Variants in COL26A1 observed in about 807,000 individuals in gnomAD.
COL26A1 encodes the protein collagen type XXVI alpha 1 chain, also known as collagen alpha-1(XXVI) chain.
In COL26A1, 41 loss-of-function variants were observed where a neutral mutation model predicts 59.3. The ratio of observed to expected loss-of-function variants is 0.69; its 90% confidence interval spans 0.54 to 0.90. The LOEUF is 0.90. Ranked by LOEUF, COL26A1 falls within the 40% of genes least tolerant of loss-of-function variation. The pLI is 0.00. For missense variants in COL26A1, 612 were observed against 602.3 expected (o/e 1.02, Z -0.17); for synonymous variants, 266 against 256.0 (o/e 1.04, Z -0.37).
At chr7:101,527,100 A>G (rs538878134) in intron 3 of COL26A1, among the ~76,000 whole-genome samples, 64 of 151,850 alleles carry the variant, frequency 4.2e-4, no homozygotes, top group Non-Finnish European at 6.8e-4. Flanking sequence ...CCTCCTGAGT[A>G]GCTAGGATTA....
At chr7:101,472,366 A>G (rs535529729) in intron 3 of COL26A1, among the ~76,000 whole-genome samples, 32 of 152,286 alleles carry the variant, frequency 2.1e-4, no homozygotes, top group Admixed American at 7.2e-4. Context: ...GCATCAGGAC[A>G]TCTCTTTAAG....
At chr7:101,501,167 C>G (rs1794696016) in intron 3 of COL26A1, among the ~76,000 whole-genome samples, 1 of 117,288 alleles carries the variant, frequency 8.5e-6, no homozygotes, top group Non-Finnish European at 1.6e-5. Flanking sequence ...GCCTGGGCTA[C>G]AGGGCGAGAC....
intron 1 of COL26A1, among the ~76,000 whole-genome samples, chr7:101,400,892 G>T (rs184316391): frequency 6.6e-6 from 1 of 152,134 alleles, no homozygotes; most frequent in Non-Finnish European, 1.5e-5. Flanking sequence ...TGTTCATTCA[G>T]TAAATACCAC....
At chr7:101,495,832 A>G (rs1395549543) in intron 3 of COL26A1, among the ~76,000 whole-genome samples, 1 of 144,734 alleles carries the variant, frequency 6.9e-6, no homozygotes, top group Non-Finnish European at 1.5e-5. Context: ...AGTGGCTCAC[A>G]CCTGTAAGCC....
At chr7:101,509,657 C>T (rs188356234) in intron 3 of COL26A1, among the ~76,000 whole-genome samples, 7 of 152,216 alleles carry the variant, frequency 4.6e-5, no homozygotes, top group African/African-American at 1.7e-4. Context: ...TGGTCTAGGC[C>T]CGGCCAACAC....
At chr7:101,539,751 T>C in intron 4 of COL26A1, 142 bp from the exon 5 acceptor site, 1 of 799,814 alleles carries the variant, frequency 1.3e-6, no homozygotes, top group East Asian at 3.1e-5. Context: ...AGTGAGGTTC[T>C]CCCACTAAGG....
intron 1 of COL26A1, among the ~76,000 whole-genome samples, chr7:101,395,430 C>T (rs998347513): frequency 3.9e-5 from 6 of 152,158 alleles, no homozygotes; most frequent in Non-Finnish European, 7.3e-5. Context: ...TGTTTTGATC[C>T]CACGGTGAAA....
At chr7:101,504,825 G>A (rs1350335156) in intron 3 of COL26A1, among the ~76,000 whole-genome samples, 1 of 152,136 alleles carries the variant, frequency 6.6e-6, no homozygotes, top group Non-Finnish European at 1.5e-5. Flanking sequence ...GTGTGTGTGT[G>A]TATGTGTGTG....
chr7:101,489,811 T>TC lies in COL26A1; in HGVS notation c.385+42024_385+42025insC, dbSNP rs1794388528. ...CTTTCTTTCTTTCTTTCTTTCTTTC[T>TC]TTCTTTCTTTCTTTCTTTCTTTCTT... On this transcript the variant is annotated intron_variant, in intron 3 of 12. Coordinates refer to ENST00000313669, the MANE Select transcript of COL26A1 (RefSeq NM_001278563.3). Among the ~76,000 whole-genome samples, 2 of 3,254 alleles carry TC rather than the reference T, an allele frequency of 6.1e-4. 1 individual carries two copies. Among genetic ancestry groups the TC allele is most frequent in the Admixed American group, 6.1e-3 (2 of 328 alleles). The allele number at this position is 3,254 out of a possible 152,430, so 2.1% of individuals were successfully genotyped here. A position where few individuals can be genotyped will look rare whatever the true frequency, so the allele number is the denominator to read the frequency against.
chr7:101,382,349 T>A (rs893206044), intron 1 of COL26A1, among the ~76,000 whole-genome samples: 4 of 152,176 alleles, frequency 2.6e-5, no homozygotes, highest in African/African-American at 9.7e-5. Flanking sequence ...CCTGGCTCTG[T>A]TTCTCCATAG....
At chr7:101,379,003 G>A (rs368874338) in intron 1 of COL26A1, among the ~76,000 whole-genome samples, 9 of 152,216 alleles carry the variant, frequency 5.9e-5, no homozygotes, top group East Asian at 1.9e-4. Flanking sequence ...CCGTAGTTAC[G>A]AAGCCTTTGA....
At chr7:101,539,866 C>A (rs1207797062) in intron 4 of COL26A1, 27 bp from the exon 5 acceptor site, 2 of 1,599,546 alleles carry the variant, frequency 1.3e-6, no homozygotes, top group Non-Finnish European at 1.7e-6. Flanking sequence ...CCAACTGGGA[C>A]CTGACTCTCT....
rs114713679 is a variant in COL26A1 at position 101,519,767 on chromosome 7, G to A, written c.386-13315G>A. Among the ~76,000 whole-genome samples the A allele has an allele frequency of 7.5e-3, 1,144 of 152,278 alleles. 14 individuals carry two copies. Among genetic ancestry groups the A allele is most frequent in the African/African-American group, 0.026 (1,086 of 41,548 alleles). On this transcript the variant is annotated intron_variant, in intron 3 of 12. Transcript: ENST00000313669. ...TCGTCATTCTGAGTCAGTAACTAAC[G>A]GAGCTAGAAGTCACGTCATCTGGGC...
At chr7:101,532,595 C>T (rs114876244) in intron 3 of COL26A1, among the ~76,000 whole-genome samples, 55 of 152,336 alleles carry the variant, frequency 3.6e-4, no homozygotes, top group African/African-American at 1.1e-3. Context: ...GCCTCCAGGA[C>T]GTCCTCCTTG....
intron 6 of COL26A1, among the ~76,000 whole-genome samples, 157 bp from the exon 7 acceptor site, chr7:101,545,181 C>T (rs1404320341): frequency 2.6e-5 from 4 of 152,172 alleles, no homozygotes; most frequent in Non-Finnish European, 5.9e-5. Context: ...CACCCCAGGA[C>T]ACCCCCAAGG....
chr7:101,508,074 T>C (rs545731334), intron 3 of COL26A1, among the ~76,000 whole-genome samples: 15 of 152,322 alleles, frequency 9.8e-5, no homozygotes, highest in African/African-American at 3.6e-4. Context: ...CTGATGGCCC[T>C]CCAGCCTCAT....
At chr7:101,492,273 G>A (rs749994688) in intron 3 of COL26A1, among the ~76,000 whole-genome samples, 1 of 152,038 alleles carries the variant, frequency 6.6e-6, no homozygotes, top group African/African-American at 2.4e-5. Context: ...AAAATCACAC[G>A]GAACATGATG....
intron 3 of COL26A1, among the ~76,000 whole-genome samples, chr7:101,489,851 T>C (rs1368862999): frequency 7.7e-5 from 3 of 39,102 alleles, no homozygotes; most frequent in Admixed American, 3.3e-4. Context: ...TCTTTCTTTC[T>C]TTCTTTCTTT....
chr7:101,540,787 AG>A (rs1255778623), intron 5 of COL26A1, among the ~76,000 whole-genome samples: 13 of 152,194 alleles, frequency 8.5e-5, no homozygotes, highest in Non-Finnish European at 1.5e-4. Flanking sequence ...GGCTGTAGTG[AG>A]CCAAGATCAT....
Sources: allele counts gnomAD v4.1 joint callset (sites outside exome capture counted in the v4.1 genomes callset), GRCh38; gene constraint gnomAD v4.1.1; transcripts MANE v1.5; gene names NCBI Gene and HGNC (gene_info 2026-07-23, HGNC 2026-07-21).